Variants in SUN1 observed in about 807,000 individuals in gnomAD.
SUN1 encodes the protein Sad1 and UNC84 domain containing 1.
A neutral mutation model predicts 103.2 loss-of-function variants in SUN1; 61 were observed. That is an observed-to-expected ratio of 0.59 (90% CI 0.48 to 0.73). SUN1 has a LOEUF of 0.73. Ranked by LOEUF, SUN1 falls within the 30% of genes least tolerant of loss-of-function variation. SUN1 has a pLI of 0.00. For synonymous variants in SUN1, 490 were observed against 425.7 expected (o/e 1.15, Z -1.86); for missense variants, 1,052 against 1,034.6 (o/e 1.02, Z -0.23).
chr7:873,554 C>T lies in SUN1; in HGVS notation c.*223C>T, dbSNP rs192484207. The T allele has an allele frequency of 1.8e-5, 9 of 500,408 alleles. No homozygotes were observed. The East Asian group carries it at 1.9e-4, about 11-fold the overall frequency. 31.0% of individuals were successfully genotyped at this position (500,408 alleles called of 1,614,324 possible). A position where few individuals can be genotyped will look rare whatever the true frequency, so the allele number is the denominator to read the frequency against. ...GCAGAGGGGTCAGCAGCAGGAGAAG[C>T]GTGTTGAACACGTGGCTCTCAGACA... On this transcript the variant is annotated 3_prime_UTR_variant, in exon 19 of 19. Transcript: ENST00000401592.
In SUN1 at chr7:860,317, C is replaced by T. The variant is rs1235719791; in HGVS notation, c.1714C>T (p.Leu572Phe). 6.8e-6 allele frequency: 11 copies of T among 1,614,142 alleles called. No individual in the cohort carries two copies. In the East Asian group the frequency reaches 2.0e-4, roughly 29 times the overall value. ...CCACCACGTTTCCGTGACCAAGCAG[C>T]TCCCAACCTCAGAAGCCGTGGTGTC... Reference protein sequence around the residue: ...VTHHVSVTKQLPTSEAVVSAV... With the variant: ...VTHHVSVTKQFPTSEAVVSAV... Residue 572 changes from leucine to phenylalanine, a missense_variant, in exon 14 of 19, where the codon CTC becomes TTC. Leu to Phe is a conservative substitution (Grantham distance 22). Transcript: ENST00000401592.
chr7:856,651 G>A (rs1007367673), intron 12 of SUN1, among the ~76,000 whole-genome samples: 6 of 152,146 alleles, frequency 3.9e-5, no homozygotes, highest in African/African-American at 1.4e-4. Flanking sequence ...TGCTGTCCGC[G>A]CCCCTGCTGT....
chr7:857,034 G>A (rs1052612719), intron 12 of SUN1, among the ~76,000 whole-genome samples: 2 of 152,112 alleles, frequency 1.3e-5, no homozygotes, highest in Non-Finnish European at 2.9e-5. Context: ...TCTTCCACAC[G>A]ACCACTGATT....
intron 1 of SUN1, among the ~76,000 whole-genome samples, chr7:827,471 T>G (rs1363452325): frequency 7.0e-6 from 1 of 141,982 alleles, no homozygotes; most frequent in Non-Finnish European, 1.6e-5. Context: ...AGTCCGTTTT[T>G]TTTTTTTTTT....
intron 1 of SUN1, among the ~76,000 whole-genome samples, chr7:834,797 C>T (rs1390669871): frequency 1.3e-5 from 2 of 152,164 alleles, no homozygotes; most frequent in African/African-American, 4.8e-5. Flanking sequence ...TTTTGGGGGC[C>T]AGGCGCAGTG....
At position 852,798 on chromosome 7, in the gene SUN1, C is replaced by G. The variant is rs117540096; in HGVS notation, c.911-12C>G. ...GTGTACCTGTGTGTGTGTGGTGGCT[C>G]TTCTCTTTTAGCAGGTCTCTCCTTA... On this transcript the variant is annotated splice_polypyrimidine_tract_variant and intron_variant, in intron 8 of 18. Coordinates refer to ENST00000401592, the MANE Select transcript of SUN1 (RefSeq NM_001130965.3). The G allele has an allele frequency of 0.029, 46,492 of 1,610,868 alleles. 840 individuals are homozygous for G. Among genetic ancestry groups the G allele is most frequent in the Non-Finnish European group, 0.033 (39,032 of 1,177,940 alleles).
intron 17 of SUN1, among the ~76,000 whole-genome samples, chr7:870,020 C>T (rs150804410): frequency 7.4e-5 from 11 of 149,040 alleles, no homozygotes; most frequent in East Asian, 2.0e-4. Context: ...GTGGTGAAAC[C>T]GCGTCTCTAC....
chr7:863,825 T>C (rs1226535930), intron 15 of SUN1, among the ~76,000 whole-genome samples: 2 of 152,148 alleles, frequency 1.3e-5, no homozygotes, highest in Middle Eastern at 3.2e-3. Context: ...CTAGCAGTAG[T>C]GGGGGAAGGC....
chr7:822,613 A>C (rs1180439545), intron 1 of SUN1, among the ~76,000 whole-genome samples: 2 of 99,190 alleles, frequency 2.0e-5, no homozygotes, highest in Non-Finnish European at 4.1e-5. Flanking sequence ...AAAACAGATG[A>C]TTTTATTGCT....
intron 1 of SUN1, chr7:817,288 T>G: frequency 1.2e-6 from 1 of 801,516 alleles, no homozygotes; most frequent in South Asian, 1.5e-5. Context: ...AGGGTTGTGG[T>G]CTCTCCATGC....
intron 16 of SUN1, chr7:868,727 G>A (rs28625568): frequency 9.1e-5 from 1 of 11,046 alleles, no homozygotes; most frequent in Non-Finnish European, 1.5e-4. Context: ...GGATTGGGGG[G>A]CAGTGCTGGT....
chr7:839,971 G>C (rs890403453), intron 2 of SUN1, among the ~76,000 whole-genome samples: 1 of 152,156 alleles, frequency 6.6e-6, no homozygotes, highest in Admixed American at 6.5e-5. Flanking sequence ...AACTCTCCAC[G>C]TGCCCACTTC....
chr7:826,842 T>A lies in SUN1; in HGVS notation c.-74+10169T>A, dbSNP rs547201867. Among the ~76,000 whole-genome samples the A allele has an allele frequency of 2.8e-4, 42 of 152,328 alleles. No individual in the cohort carries two copies. The Middle Eastern group carries it at 0.014, about 49-fold the overall frequency. Reference sequence around the variant, plus strand: ...ACGGTGCCTTTGCAGGAGATCCCATTGTTCATGAGTGTTTCGTAGAAAATA... The same window carrying A: ...ACGGTGCCTTTGCAGGAGATCCCATAGTTCATGAGTGTTTCGTAGAAAATA... On this transcript the variant is annotated intron_variant, in intron 1 of 17. Coordinates refer to the SUN1 transcript ENST00000389574.
At chr7:848,273 C>A in intron 5 of SUN1, 1 of 686,046 alleles carries the variant, frequency 1.5e-6, no homozygotes, top group Non-Finnish European at 2.2e-6. Flanking sequence ...CCCCTGTCCA[C>A]TGCCAGCTGG....
At chr7:849,851 C>A in intron 5 of SUN1, 1 of 1,461,644 alleles carries the variant, frequency 6.8e-7, no homozygotes, top group Non-Finnish European at 9.4e-7. Flanking sequence ...ACTGCCATTG[C>A]TATGCACGGC....
chr7:821,708 T>C (rs111544938), intron 1 of SUN1, among the ~76,000 whole-genome samples: 35 of 152,268 alleles, frequency 2.3e-4, no homozygotes, highest in Non-Finnish European at 4.4e-4. Flanking sequence ...TACCGCAGCG[T>C]TTCAGGGTGA....
At chr7:855,202 C>T (rs1825967750) in intron 11 of SUN1, among the ~76,000 whole-genome samples, 196 bp downstream of exon 11, 1 of 152,202 alleles carries the variant, frequency 6.6e-6, no homozygotes, top group Non-Finnish European at 1.5e-5. Flanking sequence ...GTGTGTAACT[C>T]ACGCATCCCC....
chr7:861,213 G>A (rs1007021849), intron 14 of SUN1, among the ~76,000 whole-genome samples, 167 bp from the exon 15 acceptor site: 14 of 152,176 alleles, frequency 9.2e-5, no homozygotes, highest in African/African-American at 2.9e-4. Flanking sequence ...GCAGTCGGGC[G>A]CAGGACTGGA....
intron 14 of SUN1, among the ~76,000 whole-genome samples, chr7:860,947 C>G (rs552929124): frequency 6.6e-6 from 1 of 152,192 alleles, no homozygotes; most frequent in Non-Finnish European, 1.5e-5. Context: ...TTTCCCCCAC[C>G]CGCTCCCTGC....
Sources: gnomAD v4.1 joint callset for allele counts (sites outside exome capture counted in the v4.1 genomes callset) on GRCh38, gnomAD v4.1.1 for gene constraint, MANE v1.5 for transcripts, NCBI Gene and HGNC (gene_info 2026-07-23, HGNC 2026-07-21) for gene names.